NXPH2: variants seen among roughly 807,000 people sequenced by gnomAD.
NXPH2 encodes neurexophilin-2.
In NXPH2, 5 loss-of-function variants were observed where a neutral mutation model predicts 19.8. The ratio of observed to expected loss-of-function variants is 0.25; its 90% CI spans 0.13 to 0.53. The LOEUF is 0.53. Among genes scored for constraint, NXPH2 ranks in the 20% least tolerant of loss-of-function variants. The pLI, the probability that NXPH2 is intolerant of heterozygous loss-of-function variation, is 0.96. For missense variants in NXPH2, 289 were observed against 322.8 expected, an observed-to-expected ratio of 0.90 and a Z score of 0.80; for synonymous variants, 154 against 127.4, an observed-to-expected ratio of 1.21 and a Z score of -1.41.
chr2:138,707,660 A>T (rs1400504360), intron 1 of NXPH2, among the ~76,000 whole-genome samples: 2 of 152,304 alleles, frequency 1.3e-5, no homozygotes, highest in East Asian at 1.9e-4. Flanking sequence ...AGCTTTTGCC[A>T]TATTGATGAC....
rs1300394167 is a variant in NXPH2 at position 138,736,916 on chromosome 2, C to T, written c.51+43275G>A. On this transcript the variant is annotated intron_variant, in intron 1 of 1. Transcript: ENST00000272641. ...AATGCCACCAGCCTCTTTGTTGAAA[C>T]ATAACAAGAGTCACCTTGGCTCCAG... is the stretch of plus-strand genomic sequence containing the variant. Among the ~76,000 whole-genome samples the T allele has an allele frequency of 2.0e-5, 3 of 152,174 alleles. No homozygotes were observed. The East Asian group carries it at 5.8e-4, about 29-fold the overall frequency.
At chr2:138,729,151 G>A (rs949520372) in intron 1 of NXPH2, among the ~76,000 whole-genome samples, 7 of 152,068 alleles carry the variant, frequency 4.6e-5, no homozygotes, top group South Asian at 2.1e-4. Context: ...TGCCTGATAC[G>A]GTTTGGCTGT....
intron 1 of NXPH2, among the ~76,000 whole-genome samples, chr2:138,756,777 G>T (rs892759027): frequency 6.6e-6 from 1 of 152,146 alleles, no homozygotes. Context: ...TAGTATATCT[G>T]ACAGGGGAAT....
chr2:138,761,559 G>A (rs1336551384), intron 1 of NXPH2, among the ~76,000 whole-genome samples: 1 of 152,160 alleles, frequency 6.6e-6, no homozygotes, highest in East Asian at 1.9e-4. Context: ...ACAGAAAAAA[G>A]TGCTATTCTG....
intron 1 of NXPH2, among the ~76,000 whole-genome samples, chr2:138,738,839 C>A (rs528819545): frequency 6.6e-6 from 1 of 152,178 alleles, no homozygotes. Context: ...GGCACAAAAT[C>A]GGATGATTGG....
In NXPH2 at chr2:138,691,594, A is replaced by G. The variant is rs367599434; in HGVS notation, c.52-19929T>C. Among the ~76,000 whole-genome samples the G allele has an allele frequency of 2.0e-3, 300 of 152,280 alleles. 1 individual carries two copies. The highest frequency in any genetic ancestry group is 3.4e-3 in the Non-Finnish European group (232 of 68,018). ...TTATGTTTTCTGCATCAGGGAATTT[A>G]TTCCTCACTATTGGGAGAAAGTTAT... is the stretch of plus-strand genomic sequence containing the variant. On this transcript the variant is annotated intron_variant, in intron 1 of 1. Transcript: ENST00000272641.
intron 1 of NXPH2, among the ~76,000 whole-genome samples, chr2:138,677,497 C>A (rs983611280): frequency 2.4e-4 from 36 of 152,044 alleles, no homozygotes; most frequent in Admixed American, 1.9e-3. Flanking sequence ...AATGCAGAAG[C>A]CTTCATCAAT....
intron 1 of NXPH2, among the ~76,000 whole-genome samples, chr2:138,734,848 T>C (rs1413729596): frequency 6.6e-6 from 1 of 152,036 alleles, no homozygotes; most frequent in East Asian, 1.9e-4. Context: ...GGAGAGAGAA[T>C]TCAGTGTAGG....
chr2:138,722,192 AG>A (rs1558922084), intron 1 of NXPH2, among the ~76,000 whole-genome samples: 1 of 152,266 alleles, frequency 6.6e-6, no homozygotes, highest in Non-Finnish European at 1.5e-5. Context: ...AGTGAGCAAG[AG>A]GATAGAAACT....
chr2:138,773,169 T>A (rs1166183275), intron 1 of NXPH2, among the ~76,000 whole-genome samples: 2 of 152,168 alleles, frequency 1.3e-5, no homozygotes, highest in Admixed American at 1.3e-4. Context: ...AACAGTAAGT[T>A]ATGGAGACAC....
At chr2:138,773,529 G>A (rs1026304342) in intron 1 of NXPH2, among the ~76,000 whole-genome samples, 12 of 152,098 alleles carry the variant, frequency 7.9e-5, no homozygotes, top group African/African-American at 2.9e-4. Context: ...AATGAGGAAT[G>A]GAATTTGGGA....
intron 1 of NXPH2, among the ~76,000 whole-genome samples, chr2:138,732,862 G>A (rs1681473750): frequency 6.6e-6 from 1 of 151,912 alleles, no homozygotes. Flanking sequence ...GCACATTATG[G>A]CACATTTGAC....
At chr2:138,698,867 G>C (rs539818592) in intron 1 of NXPH2, among the ~76,000 whole-genome samples, 1 of 152,182 alleles carries the variant, frequency 6.6e-6, no homozygotes, top group South Asian at 2.1e-4. Context: ...AGTAAATAAA[G>C]AAAGAAAGTA....
intron 1 of NXPH2, among the ~76,000 whole-genome samples, chr2:138,674,222 C>T (rs1436465770): frequency 1.3e-5 from 2 of 151,888 alleles, no homozygotes; most frequent in Non-Finnish European, 2.9e-5. Flanking sequence ...GGTGCAATCT[C>T]AGCTTACTAC....
chr2:138,730,187 C>T (rs1410723761), intron 1 of NXPH2, among the ~76,000 whole-genome samples: 1 of 144,630 alleles, frequency 6.9e-6, no homozygotes, highest in Non-Finnish European at 1.5e-5. Context: ...GTTCCCCCAC[C>T]CCACCCTTTT....
At position 138,671,402 on chromosome 2, in the gene NXPH2, T is replaced by A; in HGVS notation, c.315A>T (p.Thr105=). 1 of 1,614,078 alleles carries A rather than the reference T, an allele frequency of 6.2e-7. No individual in the cohort carries two copies. The highest frequency in any genetic ancestry group is 2.2e-5 in the East Asian group (1 of 44,880). Residue 105 remains threonine, a synonymous_variant, in exon 2 of 2, where the codon ACA becomes ACT. Transcript: ENST00000272641. The part of the protein sequence containing the change: ...ARTKRRPIVK[T]GKFKKMFGWG... ...ATCCAAACATTTTCTTAAATTTTCC[T>A]GTTTTTACTATTGGCCTCCGTTTAG...
chr2:138,753,663 T>A (rs940042100), intron 1 of NXPH2, among the ~76,000 whole-genome samples: 2 of 152,150 alleles, frequency 1.3e-5, no homozygotes, highest in Non-Finnish European at 2.9e-5. Context: ...AAACTGAGTG[T>A]CTACAGATGT....
chr2:138,736,359 G>A (rs1681538096), intron 1 of NXPH2, among the ~76,000 whole-genome samples: 1 of 152,172 alleles, frequency 6.6e-6, no homozygotes, highest in Non-Finnish European at 1.5e-5. Flanking sequence ...CTTGACTTCT[G>A]GGCACTTGTA....
At chr2:138,759,471 C>A (rs1681967135) in intron 1 of NXPH2, among the ~76,000 whole-genome samples, 1 of 151,988 alleles carries the variant, frequency 6.6e-6, no homozygotes, top group African/African-American at 2.4e-5. Context: ...GCTGCTGCAC[C>A]CCCTAGCTAC....
Sources: allele counts gnomAD v4.1 joint callset (sites outside exome capture counted in the v4.1 genomes callset), GRCh38; gene constraint gnomAD v4.1.1; transcripts MANE v1.5; gene names NCBI Gene and HGNC (gene_info 2026-07-23, HGNC 2026-07-21).